Variants in TENM3 observed in about 807,000 individuals in gnomAD.
The protein encoded by TENM3 is teneurin transmembrane protein 3.
In TENM3, 63 loss-of-function variants were observed where a neutral mutation model predicts 255.1. That is an observed-to-expected ratio of 0.25 (90% CI 0.20 to 0.30). The LOEUF is 0.30. Among genes scored for constraint, TENM3 ranks in the 10% least tolerant of loss-of-function variants. TENM3 has a pLI of 1.00. For synonymous variants in TENM3, 1,306 were observed against 1,322.3 expected, an observed-to-expected ratio of 0.99 and a Z score of 0.27; for missense variants, 2,929 against 3,461.1, an observed-to-expected ratio of 0.85 and a Z score of 3.86.
chr4:181,658,462 C>A, the TENM3 span, among the ~76,000 whole-genome samples: 3 of 152,114 alleles, frequency 2.0e-5, no homozygotes, highest in Non-Finnish European at 4.4e-5. Flanking sequence ...TCTCAACCTT[C>A]AACTCTTAAA....
Position 182,800,479 on chromosome 4 carries a change from C to G in TENM3, c.*128C>G. On this transcript the variant is annotated 3_prime_UTR_variant, in exon 28 of 28. Coordinates refer to ENST00000511685, the MANE Select transcript of TENM3 (RefSeq NM_001080477.4). ...AATGAGACTGCTGTTACGACCCACA[C>G]CCACACCGCGAAAACAAGGACCGCT... 1 of 1,184,880 alleles carries G rather than the reference C, an allele frequency of 8.4e-7. No homozygotes were observed. Among genetic ancestry groups the G allele is most frequent in the South Asian group, 1.6e-5 (1 of 62,304 alleles). 73.4% of individuals were successfully genotyped at this position (1,184,880 alleles called of 1,614,324 possible).
At chr4:182,563,083 T>C (rs1451106642) in intron 3 of TENM3, among the ~76,000 whole-genome samples, 1 of 152,152 alleles carries the variant, frequency 6.6e-6, no homozygotes, top group East Asian at 1.9e-4. Context: ...TTGATGAATA[T>C]TTCAAAATGT....
intron 3 of TENM3, among the ~76,000 whole-genome samples, chr4:182,409,267 T>C (rs920406976): frequency 3.9e-5 from 6 of 152,186 alleles, no homozygotes; most frequent in African/African-American, 9.7e-5. Flanking sequence ...GGCATCCCAC[T>C]GGGGTCATCT....
the TENM3 span, among the ~76,000 whole-genome samples, chr4:182,094,329 T>C: frequency 6.6e-6 from 1 of 151,890 alleles, no homozygotes; most frequent in South Asian, 2.1e-4. Flanking sequence ...CACTGCAACC[T>C]CCACCTCCCG....
the TENM3 span, among the ~76,000 whole-genome samples, chr4:182,014,141 C>T: frequency 1.3e-4 from 19 of 144,514 alleles, no homozygotes; most frequent in Middle Eastern, 3.4e-3. Flanking sequence ...TATACACACA[C>T]ATATATACTT....
intron 1 of TENM3, among the ~76,000 whole-genome samples, chr4:182,175,227 T>G (rs934006164): frequency 6.6e-6 from 1 of 151,406 alleles, no homozygotes; most frequent in Non-Finnish European, 1.5e-5. Flanking sequence ...GATGTTCTGT[T>G]GAATGAGTGA....
At chr4:182,074,547 G>T in the TENM3 span, among the ~76,000 whole-genome samples, 2 of 152,152 alleles carry the variant, frequency 1.3e-5, no homozygotes, top group African/African-American at 4.8e-5. Context: ...GTTTGAAGGA[G>T]AATTAAAACT....
intron 3 of TENM3, among the ~76,000 whole-genome samples, chr4:182,504,595 A>G (rs1736633262): frequency 6.6e-6 from 1 of 152,366 alleles, no homozygotes; most frequent in African/African-American, 2.4e-5. Flanking sequence ...AACCTACTTG[A>G]AAGCGAATTA....
chr4:182,187,369 G>C (rs1187260782), intron 1 of TENM3, among the ~76,000 whole-genome samples: 1 of 152,140 alleles, frequency 6.6e-6, no homozygotes, highest in African/African-American at 2.4e-5. Flanking sequence ...GACCATGTTG[G>C]TGGAGCTGTT....
chr4:182,007,298 C>T, the TENM3 span, among the ~76,000 whole-genome samples: 3 of 151,870 alleles, frequency 2.0e-5, no homozygotes, highest in East Asian at 1.9e-4. Flanking sequence ...TTTTTTGTCT[C>T]GCTGATCTAA....
chr4:182,701,210 C>CTTTTTTTTTTTTGT (rs1757835378), intron 12 of TENM3, among the ~76,000 whole-genome samples: 1 of 38,644 alleles, frequency 2.6e-5, no homozygotes, highest in Non-Finnish European at 4.3e-5. Flanking sequence ...CAACTCTTGA[C>CTTTTTTTTTTTTGT]TTTTTTTTTT....
At chr4:181,564,182 C>T in the TENM3 span, among the ~76,000 whole-genome samples, 2 of 151,584 alleles carry the variant, frequency 1.3e-5, no homozygotes, top group African/African-American at 4.8e-5. Context: ...CTGGGACAAA[C>T]ACCCAGATAA....
chr4:182,610,237 G>A (rs55751017), intron 4 of TENM3, among the ~76,000 whole-genome samples: 32,232 of 152,214 alleles, frequency 0.21, 3,941 homozygotes, highest in South Asian at 0.28. Context: ...TTCATAAAAT[G>A]AAGCCTGAAT....
At chr4:182,483,479 G>C (rs1006829252) in intron 3 of TENM3, among the ~76,000 whole-genome samples, 4 of 152,104 alleles carry the variant, frequency 2.6e-5, no homozygotes, top group African/African-American at 4.8e-5. Flanking sequence ...TTTGATACCA[G>C]TTCTCCTAGA....
chr4:181,686,449 C>A, the TENM3 span, among the ~76,000 whole-genome samples: 4 of 152,126 alleles, frequency 2.6e-5, no homozygotes, highest in Admixed American at 2.6e-4. Context: ...GACTGAACTT[C>A]ATATTTCAGG....
At chr4:181,781,054 A>G in the TENM3 span, among the ~76,000 whole-genome samples, 2 of 152,114 alleles carry the variant, frequency 1.3e-5, no homozygotes, top group African/African-American at 2.4e-5. Flanking sequence ...GTCAGGTAGC[A>G]TGATGCCTCC....
chr4:182,245,037 G>T (rs1285306256), intron 1 of TENM3, among the ~76,000 whole-genome samples: 3 of 152,200 alleles, frequency 2.0e-5, no homozygotes, highest in African/African-American at 4.8e-5. Flanking sequence ...TGGGAATGAA[G>T]CAAAGGCTTC....
chr4:182,480,043 G>GT (rs1234549544), intron 3 of TENM3, among the ~76,000 whole-genome samples: 3 of 151,886 alleles, frequency 2.0e-5, no homozygotes, highest in African/African-American at 7.3e-5. Context: ...GGGTATGATG[G>GT]ATAGCAACAG....
At chr4:182,661,677 A>C (rs866377797) in intron 6 of TENM3, among the ~76,000 whole-genome samples, 55 of 152,310 alleles carry the variant, frequency 3.6e-4, no homozygotes, top group African/African-American at 1.3e-3. Flanking sequence ...TCTCTCAGAG[A>C]TCTCAAAGCC....
Sources: allele counts gnomAD v4.1 joint callset (sites outside exome capture counted in the v4.1 genomes callset), GRCh38; gene constraint gnomAD v4.1.1; transcripts MANE v1.5; gene names NCBI Gene and HGNC (gene_info 2026-07-23, HGNC 2026-07-21).